The following NYAP2 variants were observed in gnomAD, a reference collection of about 807,000 sequenced individuals.
NYAP2 encodes the protein neuronal tyrosine-phosphorylated phosphoinositide-3-kinase adaptor 2.
NYAP2 carries 23 observed loss-of-function variants against 50.4 expected under a neutral mutation model. The observed-to-expected ratio is 0.46, with a 90% confidence interval of 0.33 to 0.65. The LOEUF is 0.65. Ranked by LOEUF, NYAP2 falls within the 30% of genes least tolerant of loss-of-function variation. NYAP2 has a pLI of 0.02. For synonymous variants in NYAP2, 394 were observed against 365.2 expected (o/e 1.08, Z -0.90); for missense variants, 885 against 861.0 (o/e 1.03, Z -0.35).
intron 3 of NYAP2, among the ~76,000 whole-genome samples, chr2:225,415,911 T>A (rs1163263324): frequency 6.6e-6 from 1 of 151,994 alleles, no homozygotes; most frequent in Non-Finnish European, 1.5e-5. Flanking sequence ...CATCCTCCTA[T>A]CTAGAATTAA....
chr2:225,660,428 A>G, the NYAP2 span, among the ~76,000 whole-genome samples: 7 of 143,990 alleles, frequency 4.9e-5, no homozygotes, highest in Non-Finnish European at 7.5e-5. Context: ...CAGGTATTAG[A>G]GACACAGGAT....
At chr2:225,413,261 G>A (rs1298475185) in intron 3 of NYAP2, among the ~76,000 whole-genome samples, 4 of 152,066 alleles carry the variant, frequency 2.6e-5, no homozygotes, top group African/African-American at 9.7e-5. Flanking sequence ...TATCTGGATA[G>A]GTAAGGGAGG....
intron 3 of NYAP2, among the ~76,000 whole-genome samples, chr2:225,507,854 C>G (rs1316919816): frequency 6.6e-6 from 1 of 152,222 alleles, no homozygotes; most frequent in Non-Finnish European, 1.5e-5. Flanking sequence ...CGCTATTAAA[C>G]AGCTAAGGAA....
At chr2:225,561,806 C>A (rs765188053) in intron 4 of NYAP2, among the ~76,000 whole-genome samples, 10 of 151,874 alleles carry the variant, frequency 6.6e-5, no homozygotes, top group Non-Finnish European at 1.5e-4. Context: ...TTCTATATTT[C>A]TGTATTATAT....
intron 3 of NYAP2, among the ~76,000 whole-genome samples, chr2:225,465,906 T>C (rs1689908855): frequency 6.6e-6 from 1 of 152,202 alleles, no homozygotes; most frequent in South Asian, 2.1e-4. Flanking sequence ...GGGTTTTTGG[T>C]GAGATGCTCT....
At chr2:225,577,062 G>A (rs907487380) in intron 4 of NYAP2, among the ~76,000 whole-genome samples, 1 of 152,000 alleles carries the variant, frequency 6.6e-6, no homozygotes, top group African/African-American at 2.4e-5. Flanking sequence ...CCTAAAGATA[G>A]GTTGACAAGG....
chr2:225,529,186 C>T (rs1281355597), intron 4 of NYAP2, among the ~76,000 whole-genome samples: 2 of 152,154 alleles, frequency 1.3e-5, no homozygotes, highest in East Asian at 3.9e-4. Context: ...TATCTCTTTT[C>T]TCATCAAATG....
At chr2:225,411,393 G>C (rs915336485) in intron 3 of NYAP2, among the ~76,000 whole-genome samples, 1 of 152,096 alleles carries the variant, frequency 6.6e-6, no homozygotes, top group East Asian at 1.9e-4. Context: ...ACTAAAAGGG[G>C]AGCAGGTTTA....
chr2:225,477,857 C>T (rs777075951), intron 3 of NYAP2, among the ~76,000 whole-genome samples: 1 of 152,100 alleles, frequency 6.6e-6, no homozygotes, highest in Non-Finnish European at 1.5e-5. Flanking sequence ...AAATGACATT[C>T]TGTAGAGAAA....
chr2:225,653,363 C>T (rs1252388876), exon 7 of NYAP2: 1 of 152,174 alleles, frequency 6.6e-6, no homozygotes, highest in Non-Finnish European at 1.5e-5. Flanking sequence ...TCAATGAAAG[C>T]AGGTTCTTGG....
At chr2:225,609,678 G>T (rs1692847178) in intron 5 of NYAP2, among the ~76,000 whole-genome samples, 1 of 152,142 alleles carries the variant, frequency 6.6e-6, no homozygotes, top group Non-Finnish European at 1.5e-5. Context: ...AAAGTGCGGT[G>T]CTCAGGGCAG....
chr2:225,640,506 C>G (rs540296904), intron 6 of NYAP2, among the ~76,000 whole-genome samples: 14 of 152,246 alleles, frequency 9.2e-5, no homozygotes, highest in Non-Finnish European at 1.8e-4. Flanking sequence ...AGCAAGGGAG[C>G]CTTAGTGCCT....
At chr2:225,652,456 GT>G (rs1424879256) in exon 7 of NYAP2, 1 of 152,154 alleles carries the variant, frequency 6.6e-6, no homozygotes, top group Non-Finnish European at 1.5e-5. Flanking sequence ...TCTGATGTTC[GT>G]TTGGGTACGT....
At chr2:225,571,005 T>G (rs1442443615) in intron 4 of NYAP2, among the ~76,000 whole-genome samples, 1 of 152,240 alleles carries the variant, frequency 6.6e-6, no homozygotes, top group East Asian at 1.9e-4. Context: ...ACAGGCCCCA[T>G]GCAAGTCCAA....
intron 3 of NYAP2, among the ~76,000 whole-genome samples, chr2:225,474,606 CTGTT>C (rs1430886799): frequency 2.0e-5 from 3 of 152,172 alleles, no homozygotes; most frequent in African/African-American, 7.2e-5. Context: ...GTTTGGCTCT[CTGTT>C]TGTCTGTTAT....
intron 4 of NYAP2, among the ~76,000 whole-genome samples, chr2:225,563,740 A>G (rs1264476841): frequency 1.3e-5 from 2 of 152,122 alleles, no homozygotes; most frequent in African/African-American, 4.8e-5. Context: ...TCCATATTCA[A>G]ATTCAAATTC....
exon 1 of NYAP2, chr2:225,400,105 C>A (rs1220969393): frequency 6.6e-6 from 1 of 152,092 alleles, no homozygotes; most frequent in Non-Finnish European, 1.5e-5. Flanking sequence ...TGCCGCTTTC[C>A]GGTTTCTTGC....
chr2:225,662,005 T>A, the NYAP2 span, among the ~76,000 whole-genome samples: 2 of 152,218 alleles, frequency 1.3e-5, no homozygotes, highest in Non-Finnish European at 2.9e-5. Flanking sequence ...ATTACAGGCG[T>A]GAGCCACTGC....
intron 6 of NYAP2, among the ~76,000 whole-genome samples, chr2:225,650,284 A>G (rs1345872956): frequency 6.6e-6 from 1 of 152,218 alleles, no homozygotes; most frequent in Non-Finnish European, 1.5e-5. Context: ...TAGAAATGGC[A>G]TGAGGATAGT....
Sources: allele counts gnomAD v4.1 joint callset (sites outside exome capture counted in the v4.1 genomes callset), GRCh38; gene constraint gnomAD v4.1.1; transcripts MANE v1.5; gene names NCBI Gene and HGNC (gene_info 2026-07-23, HGNC 2026-07-21).